Variants in NOTCH3 observed in about 807,000 individuals in gnomAD.
NOTCH3 encodes notch receptor 3, also known as neurogenic locus notch homolog protein 3.
A neutral mutation model predicts 213.3 loss-of-function variants in NOTCH3; 86 were observed. The ratio of observed to expected loss-of-function variants is 0.40; its 90% CI spans 0.34 to 0.48. The LOEUF (loss-of-function observed/expected upper bound fraction) is 0.48, where lower values mean the gene tolerates loss of function less well. Ranked by LOEUF, NOTCH3 falls within the 20% of genes least tolerant of loss-of-function variation. The pLI is 0.57. For synonymous variants in NOTCH3, 1,354 were observed against 1,355.9 expected, an observed-to-expected ratio of 1.00 and a Z score of 0.03; for missense variants, 2,783 against 3,272.6, an observed-to-expected ratio of 0.85 and a Z score of 3.65.
intron 2 of NOTCH3, among the ~76,000 whole-genome samples, chr19:15,196,107 G>A (rs1007421046): frequency 6.6e-6 from 1 of 152,064 alleles, no homozygotes; most frequent in Non-Finnish European, 1.5e-5. Context: ...GGGGGGTGGA[G>A]GGCGTGTAGG....
At position 15,159,641 on chromosome 19, in the gene NOTCH3, A is replaced by T; in HGVS notation, c.*1021T>A. 1 of 231,640 alleles carries T rather than the reference A, an allele frequency of 4.3e-6. No individual in the cohort carries two copies. Among genetic ancestry groups the T allele is most frequent in the Non-Finnish European group, 8.5e-6 (1 of 117,028 alleles). The allele number at this position is 231,640 out of a possible 1,614,324, so 14.3% of individuals were successfully genotyped here. A position where few individuals can be genotyped will look rare whatever the true frequency, so the allele number is the denominator to read the frequency against. On this transcript the variant is annotated 3_prime_UTR_variant, in exon 33 of 33. Coordinates refer to ENST00000263388, the MANE Select transcript of NOTCH3 (RefSeq NM_000435.3). ...ACACAGACCAACAACACTGAGTGTT[A>T]ACTATTCCTTTATTAGGTGGTGAGG...
chr19:15,190,959 G>A (rs568842289), intron 6 of NOTCH3, among the ~76,000 whole-genome samples: 4 of 151,890 alleles, frequency 2.6e-5, no homozygotes, highest in Non-Finnish European at 5.9e-5. Context: ...GGGCCCAAGC[G>A]ATCCTCCCAT....
At chr19:15,193,076 G>A (rs541825551) in intron 2 of NOTCH3, among the ~76,000 whole-genome samples, 1 of 152,138 alleles carries the variant, frequency 6.6e-6, no homozygotes, top group Admixed American at 6.6e-5. Flanking sequence ...GAACATATAC[G>A]AATAACAAAT....
At position 15,166,109 on chromosome 19, in the gene NOTCH3, T is replaced by A; in HGVS notation, c.5363-18A>T. The A allele has an allele frequency of 1.9e-6, 3 of 1,611,600 alleles. No individual in the cohort carries two copies. Among genetic ancestry groups the A allele is most frequent in the Non-Finnish European group, 2.5e-6 (3 of 1,177,764 alleles). ...GAAGCCATCTGCAGGGACAGGAGTG[T>A]GTCAGCAGGAAGGTAAACACAGGGC... On this transcript the variant is annotated intron_variant, in intron 29 of 32. Transcript: ENST00000263388.
At position 15,197,510 on chromosome 19, in the gene NOTCH3, C is replaced by T. The variant is rs864621964; in HGVS notation, c.187G>A (p.Ala63Thr). Residue 63 changes from alanine (A) to threonine (T), a missense_variant, in exon 2 of 33, where the codon GCT becomes ACT. Ala to Thr is a moderately conservative substitution (Grantham distance 58). This residue lies in a region of NOTCH3 where 708 missense variants were observed against 906.6 expected (regional missense o/e 0.78). Coordinates refer to ENST00000263388, the MANE Select transcript of NOTCH3 (RefSeq NM_000435.3). ...GRCTQLPSRE[A>T]ACLCPPGWVG... ...GAGCCAGGCACTCACAGGCAGGCAGCCTCCCGGGAGGGCAGCTGGGTGCAA... is the reference window on the plus strand; with the variant it reads ...GAGCCAGGCACTCACAGGCAGGCAGTCTCCCGGGAGGGCAGCTGGGTGCAA... 2 of 1,610,656 alleles carry T rather than the reference C, an allele frequency of 1.2e-6. No homozygotes were observed. The highest frequency in any genetic ancestry group is 1.7e-6 in the Non-Finnish European group (2 of 1,179,478).
In NOTCH3 at chr19:15,189,408, C is replaced by A. The variant is rs2145437340; in HGVS notation, c.1057G>T (p.Asp353Tyr). ...TGGCAGGGGTTGCTGACACAGGCGT[C>A]ATCCAGGTGACACAGGAGGCCTGGG... ...GKTGLLCHLD[D>Y]ACVSNPCHED... The change falls in exon 7 of 33, where the codon GAC (aspartate) becomes TAC (tyrosine). Residue 353 changes from aspartate to tyrosine, a missense_variant. Asp to Tyr is a radical substitution (Grantham distance 160). Around this residue, in one of 6 missense-constraint regions of NOTCH3, gnomAD observed 708 missense variants for 906.6 expected, o/e 0.78. Coordinates refer to ENST00000263388, the MANE Select transcript of NOTCH3 (RefSeq NM_000435.3). 1 of 1,613,838 alleles carries A rather than the reference C, an allele frequency of 6.2e-7. No individual in the cohort carries two copies. The highest frequency in any genetic ancestry group is 1.1e-5 in the South Asian group (1 of 91,084).
chr19:15,161,777 C>A (rs2046646268), intron 32 of NOTCH3, 63 bp from the exon 33 acceptor site: 1 of 1,453,908 alleles, frequency 6.9e-7, no homozygotes, highest in Non-Finnish European at 9.5e-7. Context: ...AGTCTTCCAG[C>A]CTCTTGGGGG....
chr19:15,181,576 C>A lies in NOTCH3; in HGVS notation c.2792G>T (p.Ser931Ile), dbSNP rs1161152977. ...CTCTCCAAGCAGAGGCCCCGCCCACCTGGGGCTGCAGTCGGGCAGGTCCTG... is the reference window on the plus strand; with the variant it reads ...CTCTCCAAGCAGAGGCCCCGCCCACATGGGGCTGCAGTCGGGCAGGTCCTG... ...CEQDLPDCSP[S>I]SCFNGGTCVD... is the part of the protein sequence containing the mutation. Residue 931 changes from serine to isoleucine, a missense_variant and splice_region_variant, in exon 17 of 33, where the codon AGC becomes ATC. Physicochemically the swap from Ser to Ile is moderately radical, Grantham distance 142. This residue lies in a region of NOTCH3 where 861 missense variants were observed against 909.1 expected (regional missense o/e 0.95). Transcript: ENST00000263388. The A allele has an allele frequency of 6.5e-7, 1 of 1,550,338 alleles. No individual in the cohort carries two copies. The highest frequency in any genetic ancestry group is 8.7e-7 in the Non-Finnish European group (1 of 1,146,710).
chr19:15,173,791 A>G (rs1599373895), intron 25 of NOTCH3, among the ~76,000 whole-genome samples: 2 of 146,638 alleles, frequency 1.4e-5, no homozygotes, highest in South Asian at 2.2e-4. Context: ...AAGGAGAAGA[A>G]GAAGAAGAAG....
chr19:15,181,124 T>G lies in NOTCH3; in HGVS notation c.2831A>C (p.Asn944Thr), dbSNP rs754545176. The G allele has an allele frequency of 1.2e-5, 19 of 1,608,270 alleles. No homozygotes were observed. Among genetic ancestry groups the G allele is most frequent in the Non-Finnish European group, 1.6e-5 (19 of 1,178,160 alleles). The change falls in exon 18 of 33, where the codon AAC becomes ACC. Residue 944 changes from asparagine to threonine, a missense_variant. This residue lies in a region of NOTCH3 where 861 missense variants were observed against 909.1 expected (regional missense o/e 0.95). Transcript: ENST00000263388. ...FNGGTCVDGV[N>T]SFSCLCRPGY... ...GGGACGGCACAGGCAGCTGAACGAGTTCACGCCGTCCACACAGGTCCCGCC... is the reference window on the plus strand; with the variant it reads ...GGGACGGCACAGGCAGCTGAACGAGGTCACGCCGTCCACACAGGTCCCGCC...
chr19:15,191,514 C>T lies in NOTCH3; in HGVS notation c.946G>A (p.Asp316Asn), dbSNP rs200517339. 2.5e-6 allele frequency: 4 copies of T among 1,613,202 alleles called. No individual in the cohort carries two copies. The highest frequency in any genetic ancestry group is 3.4e-6 in the Non-Finnish European group (4 of 1,180,006). The change falls in exon 6 of 33, where the codon GAT becomes AAT. Residue 316 changes from aspartate (D) to asparagine (N), a missense_variant. Coordinates refer to ENST00000263388, the MANE Select transcript of NOTCH3 (RefSeq NM_000435.3). ...AAGCACACGGCTGTGGCACAGTCAT[C>T]GATATTCTGACTGCAGCTCTCGCCT... ...WTGESCSQNI[D>N]DCATAVCFHG...
At chr19:15,164,619 T>G (rs8107180) in intron 31 of NOTCH3, among the ~76,000 whole-genome samples, 2 of 151,190 alleles carry the variant, frequency 1.3e-5, no homozygotes, top group Non-Finnish European at 2.9e-5. Flanking sequence ...TTCATTTGCC[T>G]CAGTCACATT....
chr19:15,184,455 G>C lies in NOTCH3; in HGVS notation c.2411-5C>G, dbSNP rs374742121. 2 of 1,613,638 alleles carry C rather than the reference G, an allele frequency of 1.2e-6. No homozygotes were observed. Among genetic ancestry groups the C allele is most frequent in the Non-Finnish European group, 1.7e-6 (2 of 1,179,840 alleles). ...CATCCTGCTGGCATCGTGGGCCTGG[G>C]GGTAGGGAGCAAGGTTACACCTAGG... is the stretch of plus-strand genomic sequence containing the variant. On this transcript the variant is annotated splice_polypyrimidine_tract_variant and splice_region_variant and intron_variant, in intron 15 of 32. Transcript: ENST00000263388.
intron 24 of NOTCH3, among the ~76,000 whole-genome samples, chr19:15,174,652 C>G (rs1232569065): frequency 6.6e-6 from 1 of 151,948 alleles, no homozygotes; most frequent in Non-Finnish European, 1.5e-5. Context: ...CAGCTCACTG[C>G]AGCCTCCACC....
rs766045217 is a variant in NOTCH3 at position 15,191,839 on chromosome 19, G to A, written c.708C>T (p.Asn236=). ...ATCGGTGTCCTGGACAGTCGTCCAC[G>A]TTCACTTCACAATTCTGACCCTCAA... ...PGFEGQNCEV[N]VDDCPGHRCL... is the part of the protein sequence containing the mutation. Residue 236 remains asparagine, a synonymous_variant, in exon 5 of 33, where the codon AAC becomes AAT. Transcript: ENST00000263388. 2 of 1,613,948 alleles carry A rather than the reference G, an allele frequency of 1.2e-6. No homozygotes were observed. Among genetic ancestry groups the A allele is most frequent in the South Asian group, 1.1e-5 (1 of 91,090 alleles).
Position 15,179,601 on chromosome 19 carries a change from G to A in NOTCH3, c.3328-105C>T, listed in dbSNP as rs2074621. The A allele has an allele frequency of 0.71, 895,222 of 1,262,600 alleles. 320,007 individuals carry two copies. The highest frequency in any genetic ancestry group is 0.73 in the Non-Finnish European group (651,492 of 888,656). The allele number at this position is 1,262,600 out of a possible 1,614,324, so 78.2% of individuals were successfully genotyped here. The stretch of plus-strand genomic sequence containing the variant: ...ACCCCAGCACAAAAGGACACACACA[G>A]ATGTTCAGCGCACTACCAGTAGGTA... On this transcript the variant is annotated intron_variant, in intron 20 of 32. Transcript: ENST00000263388.
chr19:15,176,762 TAAAAAAAAAAAAA>T (rs61399527), intron 24 of NOTCH3, among the ~76,000 whole-genome samples: 17 of 55,628 alleles, frequency 3.1e-4, no homozygotes, highest in Non-Finnish European at 5.3e-4. Flanking sequence ...GACCCTGTCT[TAAAAAAAAAAAAA>T]AAAAAAAAAA....
rs1325188788 is a variant in NOTCH3, at chr19:15,181,668, G to A, written c.2700C>T (p.Thr900=). 3 of 1,554,314 alleles carry A rather than the reference G, an allele frequency of 1.9e-6. No individual in the cohort carries two copies. In the South Asian group the frequency reaches 3.6e-5, roughly 18 times the overall value. The part of the protein sequence containing the change: ...ECLSNPCGPG[T]CTDHVASFTC... ...TGAAGGAGGCCACGTGGTCGGTACA[G>A]GTGCCCGGGCCGCAGGGGTTGCTCA... Residue 900 remains threonine (T), a synonymous_variant, in exon 17 of 33, where the codon ACC becomes ACT. Transcript: ENST00000263388.
Position 15,177,691 on chromosome 19 carries a change from C to T in NOTCH3, c.4237G>A (p.Asp1413Asn). ...ACGCTCAGCGAGCAGTCGCCGCCGT[C>T]CCAGCCGCAGCCTGGGCTGTTGCAC... is the stretch of plus-strand genomic sequence containing the variant. ...RECNSPGCGW[D>N]GGDCSLSVGD... The change falls in exon 24 of 33, where the codon GAC becomes AAC. Residue 1413 changes from aspartate to asparagine, a missense_variant. By Grantham distance (23) the Asp-to-Asn change is conservative. Coordinates refer to ENST00000263388, the MANE Select transcript of NOTCH3 (RefSeq NM_000435.3). The T allele has an allele frequency of 6.5e-7, 1 of 1,541,096 alleles. No homozygotes were observed. The highest frequency in any genetic ancestry group is 8.7e-7 in the Non-Finnish European group (1 of 1,150,836).
Sources: allele counts gnomAD v4.1 joint callset (sites outside exome capture counted in the v4.1 genomes callset), GRCh38; gene constraint gnomAD v4.1.1; regional missense constraint gnomAD v4.1.1; transcripts MANE v1.5; gene names NCBI Gene and HGNC (gene_info 2026-07-23, HGNC 2026-07-21).